Variants in CEP70 observed in about 807,000 individuals in gnomAD.
CEP70 encodes the protein centrosomal protein 70, also known as centrosomal protein of 70 kDa.
Under a neutral mutation model 90.9 loss-of-function variants are expected in CEP70, and 70 were observed. The observed-to-expected ratio is 0.77, with a 90% CI of 0.64 to 0.94. The LOEUF (loss-of-function observed/expected upper bound fraction) is 0.94, where lower values mean the gene tolerates loss of function less well. CEP70 is among the 40% of genes least tolerant of loss of function. CEP70 has a pLI of 0.00. For missense variants in CEP70, 648 were observed against 669.0 expected, an observed-to-expected ratio of 0.97 and a Z score of 0.35; for synonymous variants, 220 against 228.3, an observed-to-expected ratio of 0.96 and a Z score of 0.33.
intron 13 of CEP70, 23 bp downstream of exon 13, chr3:138,505,272 T>C: frequency 1.3e-6 from 2 of 1,565,832 alleles, no homozygotes; most frequent in Non-Finnish European, 1.7e-6. Flanking sequence ...GTTCAAAGCA[T>C]ATAATCATAG....
At chr3:138,515,794 G>C (rs2035960226) in intron 11 of CEP70, among the ~76,000 whole-genome samples, 1 of 152,172 alleles carries the variant, frequency 6.6e-6, no homozygotes, top group Non-Finnish European at 1.5e-5. Flanking sequence ...ACTTGCTTTA[G>C]AGTCAACAGT....
Position 138,529,476 on chromosome 3 carries a change from T to C in CEP70, c.693-14A>G. Reference sequence around the variant, plus strand: ...TCTTTATATTGCCTATGAAAATATGTATGCAGTATACTTATGAAAAATCTA... The same window carrying C: ...TCTTTATATTGCCTATGAAAATATGCATGCAGTATACTTATGAAAAATCTA... On this transcript the variant is annotated splice_polypyrimidine_tract_variant and intron_variant, in intron 8 of 17. Coordinates refer to ENST00000264982, the MANE Select transcript of CEP70 (RefSeq NM_024491.4). 1 of 1,475,654 alleles carries C rather than the reference T, an allele frequency of 6.8e-7. No individual in the cohort carries two copies. Among genetic ancestry groups the C allele is most frequent in the African/African-American group, 1.4e-5 (1 of 71,440 alleles). The allele number at this position is 1,475,654 out of a possible 1,614,324, so 91.4% of individuals were successfully genotyped here.
intron 6 of CEP70, among the ~76,000 whole-genome samples, chr3:138,539,255 C>A (rs2038551866): frequency 6.6e-6 from 1 of 152,156 alleles, no homozygotes; most frequent in African/African-American, 2.4e-5. Context: ...CTCAAGTGAT[C>A]CTCCTGCCTT....
At position 138,555,673 on chromosome 3, in the gene CEP70, A is replaced by T. The variant is rs150869696; in HGVS notation, c.465+14645T>A. 5.6e-3 allele frequency among the ~76,000 whole-genome samples: 857 copies of T among 152,310 alleles called. 7 individuals are homozygous for T. Among genetic ancestry groups the T allele is most frequent in the African/African-American group, 0.02 (825 of 41,566 alleles). ...CAAACACATGAAAACATGCTCAACA[A>T]CACCAATGGTCAGGGAAATGCAGAT... On this transcript the variant is annotated intron_variant, in intron 6 of 17. Coordinates refer to ENST00000264982, the MANE Select transcript of CEP70 (RefSeq NM_024491.4).
intron 11 of CEP70, among the ~76,000 whole-genome samples, chr3:138,522,565 A>G (rs2036776865): frequency 6.6e-6 from 1 of 152,246 alleles, no homozygotes; most frequent in African/African-American, 2.4e-5. Context: ...CCACAGAAAT[A>G]CAAACTACCA....
At chr3:138,505,978 C>A (rs75369004) in intron 12 of CEP70, among the ~76,000 whole-genome samples, 1 of 152,128 alleles carries the variant, frequency 6.6e-6, no homozygotes, top group Admixed American at 6.6e-5. Flanking sequence ...CATCCTATGC[C>A]GCAGTAAAGT....
rs187566246 is a variant in CEP70 at position 138,519,611 on chromosome 3, C to A, written c.944+5879G>T. Among the ~76,000 whole-genome samples the A allele has an allele frequency of 7.2e-3, 1,095 of 152,222 alleles. 17 individuals carry two copies. The highest frequency in any genetic ancestry group is 0.025 in the African/African-American group (1,031 of 41,522). On this transcript the variant is annotated intron_variant, in intron 11 of 17. Transcript: ENST00000264982. ...TTCATAAGTGAAGGAGAAATAAAAT[C>A]CTTTACAGACAAGCAAATGCTGAGA...
At chr3:138,571,440 G>A in intron 3 of CEP70, 84 bp from the exon 4 acceptor site, 2 of 928,478 alleles carry the variant, frequency 2.2e-6, no homozygotes. Context: ...TGCATTTTCA[G>A]AATAGAACTT....
In CEP70 at chr3:138,495,724, C is replaced by T. The variant is rs187786655; in HGVS notation, c.1733-648G>A. 2.7e-4 allele frequency: 60 copies of T among 221,530 alleles called. 1 individual carries two copies. The highest frequency in any genetic ancestry group is 1.4e-3 in the African/African-American group (58 of 42,650). 13.7% of individuals were successfully genotyped at this position (221,530 alleles called of 1,614,324 possible). A position where few individuals can be genotyped will look rare whatever the true frequency, so the allele number is the denominator to read the frequency against. On this transcript the variant is annotated intron_variant, in intron 17 of 17. Transcript: ENST00000264982. ...AAAATTAGCTGGGTGTGGTAGTGGG[C>T]ACCTGTAATCCCAGCTACTTGGGAA...
rs1392935280 is a variant in CEP70, at chr3:138,496,899, T to C, written c.1732+1132A>G. The C allele has an allele frequency of 1.0e-5, 10 of 985,598 alleles. No homozygotes were observed. In the African/African-American group the frequency reaches 1.4e-4, roughly 14 times the overall value. 61.1% of individuals were successfully genotyped at this position (985,598 alleles called of 1,614,324 possible). On this transcript the variant is annotated intron_variant, in intron 17 of 17. Coordinates refer to ENST00000264982, the MANE Select transcript of CEP70 (RefSeq NM_024491.4). The stretch of plus-strand genomic sequence containing the variant: ...CTATAGAAGCATTCTGAAATAAGTG[T>C]TACCAGCACACCCTATTAAAATATG...
chr3:138,593,294 C>A (rs1185634895), intron 1 of CEP70, among the ~76,000 whole-genome samples: 1 of 152,190 alleles, frequency 6.6e-6, no homozygotes, highest in Non-Finnish European at 1.5e-5. Flanking sequence ...GCGATCTCGG[C>A]TCACAGCAAC....
intron 6 of CEP70, among the ~76,000 whole-genome samples, chr3:138,551,990 T>C (rs1019704369): frequency 1.3e-5 from 2 of 152,104 alleles, no homozygotes; most frequent in African/African-American, 4.8e-5. Context: ...AGACATTCCA[T>C]GCAAATGGAC....
chr3:138,516,796 T>C (rs550484217), intron 11 of CEP70, among the ~76,000 whole-genome samples: 11 of 151,068 alleles, frequency 7.3e-5, no homozygotes, highest in African/African-American at 2.2e-4. Flanking sequence ...GAAAACTGAA[T>C]CATATATGCT....
At chr3:138,501,194 C>T (rs1576516455) in intron 13 of CEP70, among the ~76,000 whole-genome samples, 1 of 151,916 alleles carries the variant, frequency 6.6e-6, no homozygotes, top group Admixed American at 6.6e-5. Flanking sequence ...ATTATTGTTC[C>T]ATAATATTTC....
At chr3:138,511,396 C>T (rs2035525703) in intron 11 of CEP70, among the ~76,000 whole-genome samples, 4 of 152,136 alleles carry the variant, frequency 2.6e-5, no homozygotes, top group Admixed American at 2.0e-4. Context: ...TTATCTAGAA[C>T]AAAAAAGGAC....
chr3:138,528,457 G>A lies in CEP70; in HGVS notation c.869+742C>T, dbSNP rs546465138. ...TCATAAGTTATCACGGGAAAGAACTGACTAAAGTGAGTATAAGAATATTAT... is the reference window on the plus strand; with the variant it reads ...TCATAAGTTATCACGGGAAAGAACTAACTAAAGTGAGTATAAGAATATTAT... On this transcript the variant is annotated intron_variant, in intron 10 of 17. Transcript: ENST00000264982. Among the ~76,000 whole-genome samples, 63 of 152,322 alleles carry A rather than the reference G, an allele frequency of 4.1e-4. 2 individuals are homozygous for A. In the South Asian group the frequency reaches 5.2e-3, roughly 13 times the overall value.
At chr3:138,524,881 A>C (rs1348062613) in intron 11 of CEP70, among the ~76,000 whole-genome samples, 2 of 152,232 alleles carry the variant, frequency 1.3e-5, no homozygotes, top group East Asian at 3.8e-4. Context: ...CTAGAACTAG[A>C]AATACCATTT....
At chr3:138,558,441 G>C (rs541243051) in intron 6 of CEP70, among the ~76,000 whole-genome samples, 1 of 152,250 alleles carries the variant, frequency 6.6e-6, no homozygotes, top group South Asian at 2.1e-4. Context: ...TGTGTTTTCA[G>C]ACACCTGAAA....
intron 6 of CEP70, among the ~76,000 whole-genome samples, chr3:138,563,567 G>A (rs996257181): frequency 6.6e-6 from 1 of 152,110 alleles, no homozygotes; most frequent in Non-Finnish European, 1.5e-5. Flanking sequence ...TCAACTACAT[G>A]GAAACTGAAC....
Sources: gnomAD v4.1 joint callset for allele counts (sites outside exome capture counted in the v4.1 genomes callset) on GRCh38, gnomAD v4.1.1 for gene constraint, MANE v1.5 for transcripts, NCBI Gene and HGNC (gene_info 2026-07-23, HGNC 2026-07-21) for gene names.